EMSY: variants seen among roughly 807,000 people sequenced by gnomAD.
The protein encoded by EMSY is BRCA2-interacting transcriptional repressor EMSY.
Under a neutral mutation model 134.6 loss-of-function variants are expected in EMSY, and 26 were observed. That is an observed-to-expected ratio of 0.19 (90% CI 0.14 to 0.27). EMSY has a LOEUF of 0.27. Ranked by LOEUF, EMSY falls within the 10% of genes least tolerant of loss-of-function variation. The pLI is 1.00. For missense variants in EMSY, 1,305 were observed against 1,611.4 expected, an observed-to-expected ratio of 0.81 and a Z score of 3.26; for synonymous variants, 579 against 577.8, an observed-to-expected ratio of 1.00 and a Z score of -0.03.
intron 9 of EMSY, among the ~76,000 whole-genome samples, chr11:76,500,972 C>A (rs1208054424): frequency 6.6e-6 from 1 of 152,204 alleles, no homozygotes; most frequent in Non-Finnish European, 1.5e-5. Flanking sequence ...ATACTCAAAT[C>A]TGTGGATGTT....
intron 9 of EMSY, 65 bp from the exon 11 acceptor site, chr11:76,513,321 G>A: frequency 6.6e-7 from 1 of 1,506,534 alleles, no homozygotes. Flanking sequence ...TGCCCTCTTG[G>A]GTTGGTATAA....
chr11:76,507,671 T>C (rs1390018067), intron 9 of EMSY, among the ~76,000 whole-genome samples: 2 of 151,904 alleles, frequency 1.3e-5, no homozygotes, highest in African/African-American at 4.8e-5. Context: ...TCCATAGAGG[T>C]TGGAATCCAC....
Position 76,495,965 on chromosome 11 carries a change from T to A in EMSY, c.1109-250T>A, listed in dbSNP as rs1348776012. On this transcript the variant is annotated intron_variant, in intron 8 of 20. Transcript: ENST00000334736. ...GATAATTTGTTTCTTTCATTCTCAC[T>A]CTTCACCAAGGGAAAATCAGTTCAT... 2.0e-5 allele frequency among the ~76,000 whole-genome samples: 3 copies of A among 152,310 alleles called. No individual in the cohort carries two copies. The East Asian group carries it at 5.8e-4, about 29-fold the overall frequency.
At chr11:76,492,728 C>T (rs951525773) in intron 8 of EMSY, among the ~76,000 whole-genome samples, 1 of 152,126 alleles carries the variant, frequency 6.6e-6, no homozygotes, top group African/African-American at 2.4e-5. Flanking sequence ...GCAGGAGCCC[C>T]GCCCTCCTGG....
chr11:76,541,417 T>C (rs1343621838), intron 17 of EMSY, among the ~76,000 whole-genome samples: 1 of 152,260 alleles, frequency 6.6e-6, no homozygotes, highest in African/African-American at 2.4e-5. Context: ...TAACTCTTTA[T>C]ATTTGTTTAG....
At chr11:76,544,918 C>G in intron 19 of EMSY, 96 bp downstream of exon 20, 1 of 1,352,132 alleles carries the variant, frequency 7.4e-7, no homozygotes, top group African/African-American at 1.5e-5. Flanking sequence ...AGTGCTTTCT[C>G]CTGGCAAGAG....
At chr11:76,459,442 T>A (rs1377206093) in intron 5 of EMSY, 3 of 154,414 alleles carry the variant, frequency 1.9e-5, no homozygotes, top group African/African-American at 7.2e-5. Context: ...AGTTGAGTTG[T>A]TGTGCTGCTT....
At chr11:76,515,816 A>G (rs1255085936) in intron 10 of EMSY, among the ~76,000 whole-genome samples, 1 of 152,230 alleles carries the variant, frequency 6.6e-6, no homozygotes, top group Non-Finnish European at 1.5e-5. Flanking sequence ...AAGATGATTA[A>G]ATTTGTTTCT....
At chr11:76,501,654 A>G (rs1160317545) in intron 9 of EMSY, among the ~76,000 whole-genome samples, 2 of 152,158 alleles carry the variant, frequency 1.3e-5, no homozygotes, top group Admixed American at 6.5e-5. Context: ...AAGAACAAAG[A>G]GAAGAAACAA....
At chr11:76,463,821 G>A in exon 7 of EMSY, 1 of 1,614,110 alleles carries the variant, frequency 6.2e-7, no homozygotes, top group Non-Finnish European at 8.5e-7. Flanking sequence ...TGCCCTTCAG[G>A]TGTAAGCTGT....
intron 12 of EMSY, among the ~76,000 whole-genome samples, chr11:76,524,726 A>G (rs1950782530): frequency 6.6e-6 from 1 of 152,208 alleles, no homozygotes; most frequent in African/African-American, 2.4e-5. Flanking sequence ...AAATCAACGT[A>G]TAAGACCGTT....
chr11:76,494,763 T>A (rs1277933897), intron 8 of EMSY, among the ~76,000 whole-genome samples: 1 of 149,164 alleles, frequency 6.7e-6, no homozygotes, highest in Non-Finnish European at 1.5e-5. Flanking sequence ...CTTCCTTTCC[T>A]TTTCTTCTGT....
chr11:76,506,684 T>C (rs144575341), intron 9 of EMSY, among the ~76,000 whole-genome samples: 7 of 152,240 alleles, frequency 4.6e-5, no homozygotes, highest in Non-Finnish European at 8.8e-5. Flanking sequence ...CCCTATCACA[T>C]TGGCAAAAAT....
chr11:76,512,128 T>C (rs1334848562), intron 9 of EMSY, among the ~76,000 whole-genome samples: 4 of 152,232 alleles, frequency 2.6e-5, no homozygotes, highest in Non-Finnish European at 5.9e-5. Context: ...TATAACAACA[T>C]ATTTTAACTC....
intron 8 of EMSY, among the ~76,000 whole-genome samples, chr11:76,483,688 A>G (rs1949069249): frequency 6.6e-6 from 1 of 152,242 alleles, no homozygotes. Flanking sequence ...CAATGCAACA[A>G]GAAGAGCTAA....
chr11:76,479,869 C>T (rs1241826238), intron 8 of EMSY, among the ~76,000 whole-genome samples: 1 of 152,160 alleles, frequency 6.6e-6, no homozygotes, highest in Non-Finnish European at 1.5e-5. Context: ...GTGGATCCAT[C>T]AGCATTGGAG....
At chr11:76,466,456 A>G (rs1185546794) in intron 7 of EMSY, among the ~76,000 whole-genome samples, 6 of 151,004 alleles carry the variant, frequency 4.0e-5, no homozygotes, top group Non-Finnish European at 8.9e-5. Flanking sequence ...TTTTGTTTTG[A>G]CCTTATAGGT....
chr11:76,550,292 C>T, exon 21 of EMSY: 1 of 515,686 alleles, frequency 1.9e-6, no homozygotes, highest in Non-Finnish European at 3.0e-6. Flanking sequence ...GATGTTGCTG[C>T]AGGAGCAGCT....
chr11:76,522,352 CTTTTTT>C (rs71040003), intron 11 of EMSY, among the ~76,000 whole-genome samples: 2 of 44,218 alleles, frequency 4.5e-5, no homozygotes, highest in African/African-American at 1.9e-4. Context: ...GTTTACTTTG[CTTTTTT>C]TTTTTTTTTT....
Sources: gnomAD v4.1 joint callset for allele counts (sites outside exome capture counted in the v4.1 genomes callset) on GRCh38, gnomAD v4.1.1 for gene constraint, MANE v1.5 for transcripts, NCBI Gene and HGNC (gene_info 2026-07-23, HGNC 2026-07-21) for gene names.